Variants in MACROD2 observed in about 807,000 individuals in gnomAD.
The protein encoded by MACROD2 is ADP-ribose glycohydrolase MACROD2.
Under a neutral mutation model 70.4 loss-of-function variants are expected in MACROD2, and 36 were observed. The observed-to-expected ratio is 0.51, with a 90% CI of 0.39 to 0.68. The LOEUF (loss-of-function observed/expected upper bound fraction) is 0.68. MACROD2 is among the 30% of genes least tolerant of loss of function. MACROD2 has a pLI of 0.00. For synonymous variants in MACROD2, 172 were observed against 178.8 expected, an observed-to-expected ratio of 0.96 and a Z score of 0.30; for missense variants, 496 against 538.4, an observed-to-expected ratio of 0.92 and a Z score of 0.78.
intron 8 of MACROD2, among the ~76,000 whole-genome samples, chr20:15,665,244 T>G (rs2049880798): frequency 6.6e-6 from 1 of 152,224 alleles, no homozygotes; most frequent in African/African-American, 2.4e-5. Flanking sequence ...GTTGTGAGTC[T>G]TCTTCTAAAG....
chr20:14,087,996 C>G (rs1440163960), intron 3 of MACROD2, among the ~76,000 whole-genome samples: 2 of 151,878 alleles, frequency 1.3e-5, no homozygotes, highest in African/African-American at 2.4e-5. Flanking sequence ...TATATATACA[C>G]ACATATGTAT....
At chr20:15,565,558 G>A (rs1313416238) in intron 8 of MACROD2, among the ~76,000 whole-genome samples, 1 of 152,174 alleles carries the variant, frequency 6.6e-6, no homozygotes, top group African/African-American at 2.4e-5. Flanking sequence ...AGTTTCTTGA[G>A]ATATAGAAAG....
chr20:15,647,677 TAA>T (rs1245603404), intron 8 of MACROD2, among the ~76,000 whole-genome samples: 1 of 151,840 alleles, frequency 6.6e-6, no homozygotes, highest in Non-Finnish European at 1.5e-5. Flanking sequence ...TGGATGAATA[TAA>T]GTTTGCAGGT....
At chr20:15,531,855 C>T (rs979277008) in intron 8 of MACROD2, among the ~76,000 whole-genome samples, 12 of 152,050 alleles carry the variant, frequency 7.9e-5, no homozygotes, top group Admixed American at 5.9e-4. Context: ...CGAATAATTG[C>T]ATTCTATAAT....
At chr20:15,466,273 C>A (rs2046886907) in intron 7 of MACROD2, among the ~76,000 whole-genome samples, 1 of 152,142 alleles carries the variant, frequency 6.6e-6, no homozygotes, top group Admixed American at 6.5e-5. Context: ...TAGCTCATTG[C>A]CTGGCATTGT....
chr20:15,415,596 TAATC>T (rs1024833040), intron 6 of MACROD2, among the ~76,000 whole-genome samples: 5 of 152,336 alleles, frequency 3.3e-5, no homozygotes, highest in Admixed American at 2.0e-4. Context: ...TGTTCATCCT[TAATC>T]AAGATGCAAT....
intron 5 of MACROD2, among the ~76,000 whole-genome samples, chr20:14,713,352 G>A (rs1191755441): frequency 1.3e-5 from 2 of 152,180 alleles, no homozygotes; most frequent in East Asian, 1.9e-4. Flanking sequence ...ACTAGATCAA[G>A]ATCTGTTTGA....
At chr20:14,957,485 G>A (rs1188602700) in intron 5 of MACROD2, among the ~76,000 whole-genome samples, 3 of 152,150 alleles carry the variant, frequency 2.0e-5, no homozygotes, top group Non-Finnish European at 4.4e-5. Context: ...GCAGAGCTGG[G>A]AGCAGGACCA....
chr20:15,066,813 C>T (rs2075579452), intron 5 of MACROD2, among the ~76,000 whole-genome samples: 1 of 150,100 alleles, frequency 6.7e-6, no homozygotes, highest in Non-Finnish European at 1.5e-5. Flanking sequence ...ACCCGCAAGG[C>T]GGAGGTTGCA....
intron 5 of MACROD2, among the ~76,000 whole-genome samples, chr20:14,864,552 T>C (rs1406406356): frequency 1.3e-5 from 2 of 152,170 alleles, no homozygotes; most frequent in Non-Finnish European, 2.9e-5. Context: ...AAAAACATAG[T>C]TGTTAGATAA....
At chr20:15,432,461 G>A (rs1022865981) in intron 7 of MACROD2, among the ~76,000 whole-genome samples, 6 of 152,050 alleles carry the variant, frequency 3.9e-5, no homozygotes, top group African/African-American at 1.4e-4. Context: ...TGTGGAAACA[G>A]GATGAGCACT....
chr20:15,502,268 A>T (rs1043132348), intron 8 of MACROD2, among the ~76,000 whole-genome samples: 2 of 152,214 alleles, frequency 1.3e-5, no homozygotes, highest in Non-Finnish European at 2.9e-5. Context: ...CAAGCCATAC[A>T]GAGGTCTTGA....
chr20:15,963,763 G>T (rs1169910428), intron 12 of MACROD2, among the ~76,000 whole-genome samples: 5 of 152,100 alleles, frequency 3.3e-5, no homozygotes, highest in African/African-American at 1.2e-4. Flanking sequence ...TCTGTTTTAT[G>T]AAGTTTTTCA....
chr20:14,302,046 A>T (rs1568545422), intron 3 of MACROD2, among the ~76,000 whole-genome samples: 2 of 152,218 alleles, frequency 1.3e-5, no homozygotes, highest in African/African-American at 4.8e-5. Flanking sequence ...TTGCTATATA[A>T]TTACTACAGA....
At chr20:15,433,459 C>CAAAAAAAAAAAAAAAA (rs60298297) in intron 7 of MACROD2, among the ~76,000 whole-genome samples, 9 of 88,284 alleles carry the variant, frequency 1.0e-4, no homozygotes, top group African/African-American at 2.1e-4. Context: ...ACAAGAGCTG[C>CAAAAAAAAAAAAAAAA]AAAAAAAAAA....
In MACROD2 at chr20:15,073,362, C is replaced by T. The variant is rs566479979; in HGVS notation, c.419-156578C>T. Among the ~76,000 whole-genome samples the T allele has an allele frequency of 4.6e-5, 7 of 151,994 alleles. No homozygotes were observed. In the South Asian group the frequency reaches 1.5e-3, roughly 32 times the overall value. On this transcript the variant is annotated intron_variant, in intron 5 of 17. Coordinates refer to ENST00000684519, the MANE Select transcript of MACROD2 (RefSeq NM_001351661.2). Reference sequence around the variant, plus strand: ...TACTAGAAACACATATTACTAAAACCCTGTGGCCTGCCAATTGTAAGGTAA... The same window carrying T: ...TACTAGAAACACATATTACTAAAACTCTGTGGCCTGCCAATTGTAAGGTAA...
intron 8 of MACROD2, among the ~76,000 whole-genome samples, chr20:15,800,316 T>A (rs1249214883): frequency 1.3e-5 from 2 of 152,180 alleles, no homozygotes; most frequent in Non-Finnish European, 2.9e-5. Flanking sequence ...ATTTTTTTGT[T>A]TTTTGCCTGT....
chr20:14,822,460 C>T (rs2122212100), intron 5 of MACROD2, among the ~76,000 whole-genome samples: 2 of 152,112 alleles, frequency 1.3e-5, no homozygotes, highest in South Asian at 4.1e-4. Context: ...TTCGGCAAGC[C>T]ATTTGGTGTG....
intron 6 of MACROD2, among the ~76,000 whole-genome samples, chr20:15,307,881 A>T (rs1018969754): frequency 6.6e-6 from 1 of 152,188 alleles, no homozygotes; most frequent in Non-Finnish European, 1.5e-5. Context: ...ACATTTTTGA[A>T]GTGTATAAGC....
Sources: gnomAD v4.1 joint callset for allele counts (sites outside exome capture counted in the v4.1 genomes callset) on GRCh38, gnomAD v4.1.1 for gene constraint, MANE v1.5 for transcripts, NCBI Gene and HGNC (gene_info 2026-07-23, HGNC 2026-07-21) for gene names.